Variants in NOP58 observed in about 807,000 individuals in gnomAD.
NOP58 encodes nucleolar protein 58.
Under a neutral mutation model 71.2 loss-of-function variants are expected in NOP58, and 44 were observed. That is an observed-to-expected ratio of 0.62 (90% CI 0.49 to 0.79). The LOEUF (loss-of-function observed/expected upper bound fraction) is 0.79, where lower values mean the gene tolerates loss of function less well. Among genes scored for constraint, NOP58 ranks in the 30% least tolerant of loss-of-function variants. NOP58 has a pLI of 0.00. For missense variants in NOP58, 538 were observed against 620.2 expected (o/e 0.87, Z 1.41); for synonymous variants, 228 against 200.3 (o/e 1.14, Z -1.17).
chr2:202,291,689 C>T (rs1311012415), intron 8 of NOP58, among the ~76,000 whole-genome samples: 1 of 151,450 alleles, frequency 6.6e-6, no homozygotes, highest in Admixed American at 6.6e-5. Flanking sequence ...CACCTGTAAT[C>T]CCAGCTACTC....
chr2:202,294,336 C>CAAAAAA (rs1231907557), intron 9 of NOP58, among the ~76,000 whole-genome samples: 2 of 71,448 alleles, frequency 2.8e-5, no homozygotes, highest in African/African-American at 5.1e-5. Context: ...AACTCCATCT[C>CAAAAAA]AAAAAAAAAA....
At chr2:202,285,495 G>T (rs144497793) in intron 5 of NOP58, among the ~76,000 whole-genome samples, 1 of 151,462 alleles carries the variant, frequency 6.6e-6, no homozygotes, top group Admixed American at 6.6e-5. Flanking sequence ...GCAAGTGTGC[G>T]CCACCATCCC....
At chr2:202,302,173 C>T (rs4429452) in intron 13 of NOP58, among the ~76,000 whole-genome samples, 14,722 of 149,660 alleles carry the variant, frequency 0.098, 939 homozygotes, top group Non-Finnish European at 0.13. Context: ...CTGCAGCCTC[C>T]GCCTCCTGGG....
chr2:202,288,518 G>A (rs1688830310), intron 6 of NOP58, among the ~76,000 whole-genome samples: 1 of 149,034 alleles, frequency 6.7e-6, no homozygotes, highest in African/African-American at 2.5e-5. Flanking sequence ...AATCTTAATC[G>A]TTTTTCTATT....
chr2:202,265,808 C>G lies in NOP58; in HGVS notation c.-134C>G. ...AGGGTTTAGGCAGCGTGTTCTGATT[C>G]TTTGCGGGACGGCGAGCGCATTTGT... is the stretch of plus-strand genomic sequence containing the variant. On this transcript the variant is annotated 5_prime_UTR_variant, in exon 1 of 15. Transcript: ENST00000264279. 2 of 899,732 alleles carry G rather than the reference C, an allele frequency of 2.2e-6. No individual in the cohort carries two copies. Among genetic ancestry groups the G allele is most frequent in the Middle Eastern group, 2.3e-4 (1 of 4,376 alleles). The allele number at this position is 899,732 out of a possible 1,614,324, so 55.7% of individuals were successfully genotyped here.
intron 9 of NOP58, 98 bp from the exon 10 acceptor site, chr2:202,295,576 A>G (rs1174018296): frequency 6.1e-6 from 5 of 825,208 alleles, no homozygotes; most frequent in Admixed American, 2.8e-5. Context: ...ATTTTTATTT[A>G]TTATGGTGGC....
intron 3 of NOP58, among the ~76,000 whole-genome samples, chr2:202,280,818 G>A (rs1381025090): frequency 1.3e-5 from 2 of 148,504 alleles, no homozygotes; most frequent in African/African-American, 2.5e-5. Context: ...GTACAGGGGC[G>A]CGATCCCAGC....
At chr2:202,296,414 G>A (rs1688994019) in intron 10 of NOP58, among the ~76,000 whole-genome samples, 1 of 152,118 alleles carries the variant, frequency 6.6e-6, no homozygotes, top group Non-Finnish European at 1.5e-5. Flanking sequence ...TGTTGGCCAG[G>A]CTGGTCTCAA....
intron 2 of NOP58, among the ~76,000 whole-genome samples, chr2:202,276,104 C>T (rs936398432): frequency 6.6e-6 from 1 of 151,814 alleles, no homozygotes; most frequent in African/African-American, 2.4e-5. Flanking sequence ...TTTGGGATAC[C>T]AAGGTGGGTG....
At chr2:202,268,822 G>C (rs1214617765) in intron 1 of NOP58, among the ~76,000 whole-genome samples, 2 of 151,808 alleles carry the variant, frequency 1.3e-5, no homozygotes, top group African/African-American at 4.8e-5. Context: ...TGTTGAGGCT[G>C]GTCTCGAACT....
chr2:202,281,944 C>T (rs1194626998), intron 3 of NOP58, among the ~76,000 whole-genome samples: 1 of 152,152 alleles, frequency 6.6e-6, no homozygotes, highest in East Asian at 1.9e-4. Context: ...TATGGCAGAA[C>T]TTTGAAAATG....
chr2:202,290,062 C>G (rs535827660), intron 6 of NOP58, among the ~76,000 whole-genome samples: 3 of 152,188 alleles, frequency 2.0e-5, no homozygotes, highest in South Asian at 2.1e-4. Context: ...TCAAGTGATT[C>G]TTCTGCCTCA....
intron 1 of NOP58, 22 bp from the exon 2 acceptor site, chr2:202,275,090 AC>A: frequency 8.3e-7 from 1 of 1,208,782 alleles, no homozygotes; most frequent in South Asian, 1.3e-5. Context: ...TTTAAATAAA[AC>A]TATTTAAACA....
At chr2:202,295,266 A>G (rs1300345758) in intron 9 of NOP58, among the ~76,000 whole-genome samples, 1 of 152,230 alleles carries the variant, frequency 6.6e-6, no homozygotes, top group Non-Finnish European at 1.5e-5. Flanking sequence ...TTCCTAATAA[A>G]TGTGTTTATT....
intron 1 of NOP58, among the ~76,000 whole-genome samples, chr2:202,271,885 A>G (rs1014813418): frequency 6.6e-6 from 1 of 152,190 alleles, no homozygotes; most frequent in African/African-American, 2.4e-5. Flanking sequence ...TTGAAGCTGT[A>G]GTGACATAGG....
At chr2:202,277,437 C>T (rs1395098220) in intron 2 of NOP58, among the ~76,000 whole-genome samples, 1 of 151,578 alleles carries the variant, frequency 6.6e-6, no homozygotes, top group African/African-American at 2.4e-5. Context: ...GAGATCGCAC[C>T]ACTGCACTCC....
At chr2:202,283,660 C>T (rs868059701) in intron 4 of NOP58, among the ~76,000 whole-genome samples, 13 of 151,604 alleles carry the variant, frequency 8.6e-5, no homozygotes, top group Admixed American at 7.9e-4. Flanking sequence ...AAGATGGTCT[C>T]GATCTATTGA....
rs778904841 is a variant in NOP58, at chr2:202,303,047, CA to C, written c.1530del (p.Ala511GlnfsTer35). ...TCTGAGGAAGAACCATGTACCAGCA[CA>C]GCAATTGCTGTATGTTTGTTTTTAA... ...PLSEEEPCTS[T>X]AIASPEKKKK... On this transcript the variant is annotated frameshift_variant, in exon 14 of 15. Transcript: ENST00000264279. LOFTEE classifies it high-confidence loss of function. 1.2e-6 allele frequency: 2 copies of C among 1,610,658 alleles called. No homozygotes were observed. Among genetic ancestry groups the C allele is most frequent in the South Asian group, 2.2e-5 (2 of 90,432 alleles).
At chr2:202,303,329 G>T in intron 14 of NOP58, 57 bp from the exon 15 acceptor site, 2 of 1,595,372 alleles carry the variant, frequency 1.3e-6, no homozygotes, top group South Asian at 2.3e-5. Context: ...TTTTCAATGT[G>T]ATTACTCACC....
Sources: allele counts gnomAD v4.1 joint callset (sites outside exome capture counted in the v4.1 genomes callset), GRCh38; gene constraint gnomAD v4.1.1; transcripts MANE v1.5; gene names NCBI Gene and HGNC (gene_info 2026-07-23, HGNC 2026-07-21).